The following SENP1 variants were observed in gnomAD, a reference collection of about 807,000 sequenced individuals.
The protein encoded by SENP1 is SUMO specific peptidase 1.
SENP1 carries 21 observed loss-of-function variants against 93.0 expected under a neutral mutation model. The observed-to-expected ratio is 0.23, with a 90% CI of 0.16 to 0.33. The LOEUF is 0.33. SENP1 is among the 10% of genes least tolerant of loss of function. SENP1 has a pLI of 1.00. For synonymous variants in SENP1, 256 were observed against 259.6 expected (o/e 0.99, Z 0.13); for missense variants, 591 against 758.7 (o/e 0.78, Z 2.60).
chr12:48,060,943 T>C (rs1170811208), intron 13 of SENP1, among the ~76,000 whole-genome samples: 3 of 152,210 alleles, frequency 2.0e-5, no homozygotes, highest in Admixed American at 1.3e-4. Flanking sequence ...ATATTAATCC[T>C]GTCAATCATT....
At chr12:48,058,218 T>C (rs571003472) in intron 13 of SENP1, among the ~76,000 whole-genome samples, 5 of 152,234 alleles carry the variant, frequency 3.3e-5, no homozygotes, top group African/African-American at 4.8e-5. Flanking sequence ...AATGCTGGGA[T>C]TACAGGCATG....
intron 16 of SENP1, 77 bp from the exon 17 acceptor site, chr12:48,046,528 A>G (rs941264982): frequency 9.7e-7 from 1 of 1,033,986 alleles, no homozygotes; most frequent in Non-Finnish European, 1.5e-6. Flanking sequence ...GAACCAAAAG[A>G]TATAAATTGT....
chr12:48,060,392 A>G (rs529416703), intron 13 of SENP1, among the ~76,000 whole-genome samples: 1 of 152,340 alleles, frequency 6.6e-6, no homozygotes, highest in South Asian at 2.1e-4. Flanking sequence ...CACAAAGCCT[A>G]AAGCAGTACT....
chr12:48,087,784 GTTGGCTTC>G lies in SENP1; in HGVS notation c.380+1009_380+1016del, dbSNP rs1944981743. On this transcript the variant is annotated intron_variant, in intron 5 of 17. Transcript: ENST00000549518. ...TGCATAAAATAATAAAAGCCATCTT[GTTGGCTTC>G]TATCAACACCATAAAGCTCAAACTT... Among the ~76,000 whole-genome samples, 4 of 152,182 alleles carry G rather than the reference GTTGGCTTC, an allele frequency of 2.6e-5. No homozygotes were observed. In the South Asian group the frequency reaches 8.3e-4, roughly 31 times the overall value.
chr12:48,097,199 A>C (rs1293546367), intron 3 of SENP1, among the ~76,000 whole-genome samples: 1 of 152,200 alleles, frequency 6.6e-6, no homozygotes, highest in Non-Finnish European at 1.5e-5. Context: ...AAGGTTGAGA[A>C]AAATCAATCT....
chr12:48,063,886 A>C, intron 12 of SENP1, 45 bp from the exon 13 acceptor site: 3 of 1,564,970 alleles, frequency 1.9e-6, no homozygotes, highest in Non-Finnish European at 2.6e-6. Context: ...GCGTGGCTTC[A>C]GAAAAACCGT....
chr12:48,098,257 T>G (rs190891325), intron 2 of SENP1, 133 bp from the exon 3 acceptor site: 2 of 866,370 alleles, frequency 2.3e-6, no homozygotes, highest in Non-Finnish European at 3.4e-6. Context: ...CCCAGCACTC[T>G]GAGAGGCTGA....
Position 48,083,689 on chromosome 12 carries a change from T to A in SENP1, c.454A>T (p.Ile152Phe). 15 of 1,613,634 alleles carry A rather than the reference T, an allele frequency of 9.3e-6. No individual in the cohort carries two copies. The highest frequency in any genetic ancestry group is 1.2e-5 in the Non-Finnish European group (14 of 1,179,678). The change falls in exon 6 of 18, where the codon ATT becomes TTT. Residue 152 changes from isoleucine (I) to phenylalanine (F), a missense_variant. By Grantham distance (21) the Ile-to-Phe change is conservative (BLOSUM62 0). This residue lies in a region of SENP1 where 214 missense variants were observed against 243.4 expected (regional missense o/e 0.88). Coordinates refer to ENST00000549518, the MANE Select transcript of SENP1 (RefSeq NM_001267594.2). ...CAAGATGGACTTGGAACAGGTTTAATAGGAAAAGATTTTTCATATGCAGAT... is the reference window on the plus strand; with the variant it reads ...CAAGATGGACTTGGAACAGGTTTAAAAGGAAAAGATTTTTCATATGCAGAT... ...HVSAYEKSFPIKPVPSPSWSG... is the reference protein window; with the variant it reads ...HVSAYEKSFPFKPVPSPSWSG...
intron 13 of SENP1, among the ~76,000 whole-genome samples, chr12:48,061,750 CTAA>C (rs1490146649): frequency 6.6e-6 from 1 of 152,086 alleles, no homozygotes; most frequent in Non-Finnish European, 1.5e-5. Flanking sequence ...TTAAGGATAC[CTAA>C]TAATACTCCA....
At chr12:48,067,108 C>A in intron 9 of SENP1, 143 bp from the exon 10 acceptor site, 1 of 627,560 alleles carries the variant, frequency 1.6e-6, no homozygotes. Context: ...ATCTAAATGA[C>A]ATAAAATAAT....
intron 6 of SENP1, among the ~76,000 whole-genome samples, chr12:48,076,491 ATTT>A (rs879363366): frequency 2.1e-5 from 3 of 144,356 alleles, no homozygotes; most frequent in African/African-American, 7.6e-5. Flanking sequence ...CACAGAGCTA[ATTT>A]TTTTTTTTTT....
chr12:48,073,131 G>A (rs967361041), intron 8 of SENP1, among the ~76,000 whole-genome samples: 3 of 152,150 alleles, frequency 2.0e-5, no homozygotes, highest in African/African-American at 7.2e-5. Flanking sequence ...TTCTTCTAAA[G>A]TGCTGTCATT....
At chr12:48,095,748 C>A (rs1945516840) in intron 4 of SENP1, among the ~76,000 whole-genome samples, 1 of 152,020 alleles carries the variant, frequency 6.6e-6, no homozygotes, top group African/African-American at 2.4e-5. Context: ...GAAGTCCAAA[C>A]CCTAGTAAGA....
chr12:48,044,396 A>G lies in SENP1; in HGVS notation c.*926T>C, dbSNP rs1044084769. On this transcript the variant is annotated 3_prime_UTR_variant, in exon 18 of 18. Coordinates refer to ENST00000549518, the MANE Select transcript of SENP1 (RefSeq NM_001267594.2). Reference sequence around the variant, plus strand: ...TATATGTATGTGTATATATATATGTATATATATATGAAATTCTCTGTGGTT... The same window carrying G: ...TATATGTATGTGTATATATATATGTGTATATATATGAAATTCTCTGTGGTT... 1.3e-5 allele frequency: 2 copies of G among 149,756 alleles called. No individual in the cohort carries two copies. Among genetic ancestry groups the G allele is most frequent in the African/African-American group, 4.9e-5 (2 of 40,874 alleles). The allele number at this position is 149,756 out of a possible 1,614,324, so 9.3% of individuals were successfully genotyped here. A position where few individuals can be genotyped will look rare whatever the true frequency, so the allele number is the denominator to read the frequency against.
At chr12:48,068,663 G>A (rs983579683) in intron 9 of SENP1, among the ~76,000 whole-genome samples, 1 of 152,048 alleles carries the variant, frequency 6.6e-6, no homozygotes, top group African/African-American at 2.4e-5. Flanking sequence ...GGCTATCTAG[G>A]AAATTCATTT....
In SENP1 at chr12:48,074,676, C is replaced by G. The variant is rs777693295; in HGVS notation, c.656+14G>C. On this transcript the variant is annotated intron_variant, in intron 7 of 17. Coordinates refer to ENST00000549518, the MANE Select transcript of SENP1 (RefSeq NM_001267594.2). ...TAGAATTAAATTCATCTGAAATATG[C>G]TTCTGTGACTCACAGGTGTAAAGGA... 3 of 1,609,796 alleles carry G rather than the reference C, an allele frequency of 1.9e-6. No homozygotes were observed. The highest frequency in any genetic ancestry group is 2.5e-6 in the Non-Finnish European group (3 of 1,176,770).
chr12:48,067,346 T>C (rs533322740), intron 9 of SENP1, among the ~76,000 whole-genome samples: 2 of 152,308 alleles, frequency 1.3e-5, no homozygotes, highest in African/African-American at 2.4e-5. Flanking sequence ...GAAAGATTTA[T>C]TAAAAATCCC....
At chr12:48,105,858 G>C (rs950944034) in intron 1 of SENP1, 170 bp downstream of exon 1, 14 of 603,496 alleles carry the variant, frequency 2.3e-5, no homozygotes, top group African/African-American at 1.7e-4. Context: ...CGGACAGCAG[G>C]GGGGAGGGGA....
chr12:48,080,854 G>A (rs759533064), intron 6 of SENP1, among the ~76,000 whole-genome samples: 8 of 152,236 alleles, frequency 5.3e-5, no homozygotes, highest in Middle Eastern at 3.4e-3. Context: ...TTCCCGCATC[G>A]CTCATTTCAT....
Sources: gnomAD v4.1 joint callset for allele counts (sites outside exome capture counted in the v4.1 genomes callset) on GRCh38, gnomAD v4.1.1 for gene constraint, gnomAD v4.1.1 regional missense constraint, MANE v1.5 for transcripts, NCBI Gene and HGNC (gene_info 2026-07-23, HGNC 2026-07-21) for gene names.